The following CAAP1 variants were observed in gnomAD, a reference collection of about 807,000 sequenced individuals.
CAAP1 encodes the protein caspase activity and apoptosis inhibitor 1.
A neutral mutation model predicts 34.0 loss-of-function variants in CAAP1; 20 were observed. The ratio of observed to expected loss-of-function variants is 0.59; its 90% CI spans 0.41 to 0.86. CAAP1 has a LOEUF of 0.86. Ranked by LOEUF, CAAP1 falls within the 40% of genes least tolerant of loss-of-function variation. CAAP1 has a pLI of 0.00. For missense variants in CAAP1, 538 were observed against 450.5 expected (o/e 1.19, Z -1.76); for synonymous variants, 213 against 166.7 (o/e 1.28, Z -2.14).
intron 4 of CAAP1, among the ~76,000 whole-genome samples, chr9:26,882,795 G>A (rs970485507): frequency 1.1e-4 from 16 of 152,174 alleles, no homozygotes; most frequent in South Asian, 8.3e-4. Flanking sequence ...AGAAACAGGC[G>A]CGGGGCTTTC....
chr9:26,859,551 G>C (rs1822956289), intron 5 of CAAP1, among the ~76,000 whole-genome samples: 1 of 152,068 alleles, frequency 6.6e-6, no homozygotes, highest in Non-Finnish European at 1.5e-5. Context: ...TTGATACAAA[G>C]AGCAGAAACA....
At chr9:26,844,024 A>G (rs962922724) in intron 5 of CAAP1, among the ~76,000 whole-genome samples, 1 of 152,220 alleles carries the variant, frequency 6.6e-6, no homozygotes, top group African/African-American at 2.4e-5. Context: ...TCAAGAAACA[A>G]TATTTTATAC....
chr9:26,871,805 T>C (rs1823282197), intron 4 of CAAP1, among the ~76,000 whole-genome samples: 1 of 151,172 alleles, frequency 6.6e-6, no homozygotes, highest in Non-Finnish European at 1.5e-5. Flanking sequence ...TGCCAACTAC[T>C]TAGGAGGCTG....
intron 4 of CAAP1, among the ~76,000 whole-genome samples, chr9:26,865,519 T>C (rs540371178): frequency 5.1e-5 from 7 of 138,492 alleles, no homozygotes; most frequent in South Asian, 2.3e-4. Flanking sequence ...AGAGAAACTA[T>C]GTCTCAAAAA....
At chr9:26,847,917 G>C (rs1409992188) in intron 5 of CAAP1, among the ~76,000 whole-genome samples, 1 of 152,014 alleles carries the variant, frequency 6.6e-6, no homozygotes, top group Admixed American at 6.6e-5. Flanking sequence ...GTTCTTGGTA[G>C]GGAGGGGAAG....
At chr9:26,870,761 C>G (rs1288148027) in intron 4 of CAAP1, among the ~76,000 whole-genome samples, 2 of 151,744 alleles carry the variant, frequency 1.3e-5, no homozygotes, top group Admixed American at 6.6e-5. Flanking sequence ...GGAATATAGG[C>G]ATGCGCCATC....
chr9:26,856,196 TTAGGG>T (rs1344483824), intron 5 of CAAP1, among the ~76,000 whole-genome samples: 3 of 152,100 alleles, frequency 2.0e-5, no homozygotes, highest in Non-Finnish European at 2.9e-5. Flanking sequence ...TTGCATGTCT[TTAGGG>T]AAAAGATTCT....
intron 4 of CAAP1, among the ~76,000 whole-genome samples, chr9:26,867,335 C>T (rs12350072): frequency 0.022 from 3,370 of 152,212 alleles, 124 homozygotes; most frequent in African/African-American, 0.077. Context: ...TCTCAAAGAC[C>T]GTCAAATCTC....
intron 4 of CAAP1, among the ~76,000 whole-genome samples, chr9:26,870,530 G>T (rs1233551601): frequency 6.9e-6 from 1 of 145,152 alleles, no homozygotes; most frequent in Non-Finnish European, 1.5e-5. Flanking sequence ...GATCTCAGGG[G>T]TGTGTATATA....
chr9:26,858,658 TA>T (rs1335985423), intron 5 of CAAP1, among the ~76,000 whole-genome samples: 1 of 151,614 alleles, frequency 6.6e-6, no homozygotes, highest in Non-Finnish European at 1.5e-5. Flanking sequence ...CCGTCTCTAC[TA>T]AAAAATACAA....
intron 4 of CAAP1, among the ~76,000 whole-genome samples, chr9:26,878,791 G>A (rs1367615532): frequency 6.6e-6 from 1 of 151,690 alleles, no homozygotes; most frequent in African/African-American, 2.4e-5. Context: ...CTCCAGCTTG[G>A]GGGACAGAGT....
intron 4 of CAAP1, among the ~76,000 whole-genome samples, chr9:26,874,615 T>C (rs1334086337): frequency 6.6e-6 from 1 of 152,160 alleles, no homozygotes; most frequent in African/African-American, 2.4e-5. Context: ...ATGAAGGTAT[T>C]TAGAAATGAT....
chr9:26,891,614 T>C (rs764022230), intron 1 of CAAP1, among the ~76,000 whole-genome samples: 5 of 152,044 alleles, frequency 3.3e-5, no homozygotes, highest in Non-Finnish European at 7.4e-5. Flanking sequence ...AAAAATATAA[T>C]ACAATACCAG....
At chr9:26,848,148 G>T (rs1458091164) in intron 5 of CAAP1, among the ~76,000 whole-genome samples, 1 of 152,148 alleles carries the variant, frequency 6.6e-6, no homozygotes, top group Admixed American at 6.5e-5. Context: ...TCCTATCAAG[G>T]TTTAAATACT....
chr9:26,873,974 G>C (rs931868287), intron 4 of CAAP1, among the ~76,000 whole-genome samples: 1 of 151,936 alleles, frequency 6.6e-6, no homozygotes, highest in Non-Finnish European at 1.5e-5. Flanking sequence ...TTGGGAGGCC[G>C]AGGCGGGCAG....
rs181971826 is a variant in CAAP1, at chr9:26,886,200, G to A, written c.505-12C>T. On this transcript the variant is annotated splice_polypyrimidine_tract_variant and intron_variant, in intron 2 of 5. Coordinates refer to ENST00000333916, the MANE Select transcript of CAAP1 (RefSeq NM_024828.4). ...TCTATTGAACAGTTCTAAAGGAAAT[G>A]ACATTTTAAAAAAATGCATTTATGT... The A allele has an allele frequency of 3.6e-6, 5 of 1,380,278 alleles. No homozygotes were observed. Among genetic ancestry groups the A allele is most frequent in the South Asian group, 3.7e-5 (2 of 54,548 alleles). 85.5% of individuals were successfully genotyped at this position (1,380,278 alleles called of 1,614,324 possible).
intron 5 of CAAP1, among the ~76,000 whole-genome samples, chr9:26,853,662 A>G (rs1822806098): frequency 6.6e-6 from 1 of 152,204 alleles, no homozygotes; most frequent in Non-Finnish European, 1.5e-5. Context: ...GGCTGCTGGC[A>G]ATAATTCACT....
intron 4 of CAAP1, among the ~76,000 whole-genome samples, chr9:26,869,482 G>A (rs183907146): frequency 0.01 from 1,585 of 151,914 alleles, 14 homozygotes; most frequent in Non-Finnish European, 0.016. Flanking sequence ...TTCTAGTTTT[G>A]GCTTAGTTAA....
chr9:26,840,988 A>C lies in CAAP1; in HGVS notation c.*1313T>G, dbSNP rs1232973978. On this transcript the variant is annotated 3_prime_UTR_variant, in exon 6 of 6. Transcript: ENST00000333916. ...TTATTAGAAAGATTTATGGAGGGGG[A>C]AAAAATGGTAGAATTATTCCAAGGC... 2 of 152,014 alleles carry C rather than the reference A, an allele frequency of 1.3e-5. No individual in the cohort carries two copies. Among genetic ancestry groups the C allele is most frequent in the East Asian group, 3.9e-4 (2 of 5,188 alleles). 9.4% of individuals were successfully genotyped at this position (152,014 alleles called of 1,614,324 possible). A position where few individuals can be genotyped will look rare whatever the true frequency, so the allele number is the denominator to read the frequency against.
Sources: allele counts gnomAD v4.1 joint callset (sites outside exome capture counted in the v4.1 genomes callset), GRCh38; gene constraint gnomAD v4.1.1; transcripts MANE v1.5; gene names NCBI Gene and HGNC (gene_info 2026-07-23, HGNC 2026-07-21).